The following HPSE2 variants were observed in gnomAD, a reference collection of about 807,000 sequenced individuals.
HPSE2 encodes the protein inactive heparanase-2.
Under a neutral mutation model 60.5 loss-of-function variants are expected in HPSE2, and 38 were observed. That is an observed-to-expected ratio of 0.63 (90% CI 0.48 to 0.82). HPSE2 has a LOEUF of 0.82. Ranked by LOEUF, HPSE2 falls within the 40% of genes least tolerant of loss-of-function variation. The pLI is 0.00. For synonymous variants in HPSE2, 295 were observed against 293.2 expected (o/e 1.01, Z -0.06); for missense variants, 713 against 740.4 (o/e 0.96, Z 0.43).
chr10:99,192,096 A>G (rs944447550), intron 2 of HPSE2, among the ~76,000 whole-genome samples: 9 of 152,320 alleles, frequency 5.9e-5, no homozygotes, highest in African/African-American at 2.2e-4. Flanking sequence ...AAACATACCT[A>G]TAAGACCAAG....
In HPSE2 at chr10:98,643,832, G is replaced by T. The variant is rs560051117; in HGVS notation, c.1005-1892C>A. ...CACACATTTGAGGACATGAATACTT[G>T]CTACTATATTATATGGTGACCAGGA... On this transcript the variant is annotated intron_variant, in intron 6 of 11. Coordinates refer to ENST00000370552, the MANE Select transcript of HPSE2 (RefSeq NM_021828.5). Among the ~76,000 whole-genome samples, 10 of 152,250 alleles carry T rather than the reference G, an allele frequency of 6.6e-5. No homozygotes were observed. The South Asian group carries it at 1.9e-3, about 28-fold the overall frequency.
intron 3 of HPSE2, among the ~76,000 whole-genome samples, chr10:99,132,225 G>GAAAGAAAGAA (rs1362965352): frequency 5.9e-5 from 1 of 17,036 alleles, no homozygotes; most frequent in African/African-American, 9.2e-5. Context: ...GAGAGAGAGA[G>GAAAGAAAGAA]AGAGAGAGAG....
chr10:99,087,835 A>C (rs1402261335), intron 3 of HPSE2, among the ~76,000 whole-genome samples: 1 of 152,144 alleles, frequency 6.6e-6, no homozygotes, highest in East Asian at 1.9e-4. Flanking sequence ...GGCAATACAG[A>C]AGAGTACTTT....
At chr10:98,539,162 C>G (rs1943381071) in intron 9 of HPSE2, among the ~76,000 whole-genome samples, 2 of 152,124 alleles carry the variant, frequency 1.3e-5, no homozygotes, top group South Asian at 4.1e-4. Flanking sequence ...ACCATTTTAT[C>G]AACAAATCAG....
intron 3 of HPSE2, among the ~76,000 whole-genome samples, chr10:99,018,915 C>T (rs1234165686): frequency 1.3e-5 from 2 of 152,150 alleles, no homozygotes; most frequent in Non-Finnish European, 2.9e-5. Context: ...TTGCCTAAAG[C>T]TTTGGGAATT....
intron 3 of HPSE2, among the ~76,000 whole-genome samples, chr10:98,794,700 C>T (rs755493258): frequency 3.3e-5 from 5 of 151,984 alleles, no homozygotes; most frequent in East Asian, 1.9e-4. Flanking sequence ...AGGTGACACA[C>T]GTTATAAAAA....
intron 3 of HPSE2, among the ~76,000 whole-genome samples, chr10:98,898,354 A>C (rs764102232): frequency 6.6e-6 from 1 of 152,194 alleles, no homozygotes; most frequent in Non-Finnish European, 1.5e-5. Flanking sequence ...GTGAATGTAT[A>C]AACAAATATG....
chr10:98,940,326 A>C (rs1276114468), intron 3 of HPSE2, among the ~76,000 whole-genome samples: 2 of 144,014 alleles, frequency 1.4e-5, no homozygotes, highest in Non-Finnish European at 3.0e-5. Context: ...CAAAATTGAC[A>C]GACTGCTAGC....
chr10:98,859,244 T>C (rs1029329592), intron 3 of HPSE2, among the ~76,000 whole-genome samples: 1 of 152,246 alleles, frequency 6.6e-6, no homozygotes, highest in Non-Finnish European at 1.5e-5. Flanking sequence ...TTTGACCATA[T>C]GACTCACAAA....
chr10:98,607,985 A>G (rs772024588), intron 9 of HPSE2, among the ~76,000 whole-genome samples: 4 of 152,232 alleles, frequency 2.6e-5, no homozygotes, highest in Non-Finnish European at 5.9e-5. Context: ...ACATTTATTG[A>G]GTATTTACTA....
intron 3 of HPSE2, among the ~76,000 whole-genome samples, chr10:98,805,362 G>C (rs181009312): frequency 1.3e-5 from 2 of 152,246 alleles, no homozygotes; most frequent in Admixed American, 1.3e-4. Context: ...ATTTAAAATA[G>C]CTAAAAGAGT....
chr10:99,100,639 T>G (rs562707870), intron 3 of HPSE2, among the ~76,000 whole-genome samples: 5 of 152,148 alleles, frequency 3.3e-5, no homozygotes, highest in Admixed American at 1.3e-4. Context: ...GAAATACAGA[T>G]AACGCCACAA....
intron 5 of HPSE2, among the ~76,000 whole-genome samples, chr10:98,702,682 A>G (rs774631759): frequency 1.5e-4 from 23 of 152,156 alleles, no homozygotes; most frequent in Non-Finnish European, 3.1e-4. Flanking sequence ...CTCCTGAATG[A>G]CTCCTGAGTA....
intron 3 of HPSE2, among the ~76,000 whole-genome samples, chr10:99,122,223 C>T (rs535222088): frequency 6.6e-6 from 1 of 152,032 alleles, no homozygotes; most frequent in Admixed American, 6.5e-5. Flanking sequence ...ATTTTTACCT[C>T]AAATGTACTG....
chr10:98,529,039 A>G (rs1482016886), intron 9 of HPSE2, among the ~76,000 whole-genome samples: 1 of 152,232 alleles, frequency 6.6e-6, no homozygotes, highest in Non-Finnish European at 1.5e-5. Context: ...CATTCGGGGC[A>G]GGGTCACCCT....
At chr10:99,060,116 C>T (rs933622832) in intron 3 of HPSE2, among the ~76,000 whole-genome samples, 4 of 151,674 alleles carry the variant, frequency 2.6e-5, no homozygotes, top group Non-Finnish European at 4.4e-5. Context: ...AGAGGACAAT[C>T]ATTTAAAATA....
chr10:99,195,025 C>T (rs1332321799), intron 2 of HPSE2, among the ~76,000 whole-genome samples: 1 of 152,002 alleles, frequency 6.6e-6, no homozygotes, highest in Admixed American at 6.6e-5. Flanking sequence ...TTAAAAAGAT[C>T]ACTCACTCGG....
upstream of HPSE2, chr10:99,235,891 T>C (rs575286846): frequency 1.1e-4 from 133 of 1,168,572 alleles, 2 homozygotes; most frequent in South Asian, 1.2e-3. Context: ...TCCGCCTTTT[T>C]CCCCCCTTTT....
intron 3 of HPSE2, among the ~76,000 whole-genome samples, chr10:98,750,231 G>A (rs1589761515): frequency 6.6e-6 from 1 of 152,262 alleles, no homozygotes; most frequent in East Asian, 1.9e-4. Context: ...AGACTCATGT[G>A]AGACTGATGA....
Sources: gnomAD v4.1 joint callset for allele counts (sites outside exome capture counted in the v4.1 genomes callset) on GRCh38, gnomAD v4.1.1 for gene constraint, MANE v1.5 for transcripts, NCBI Gene and HGNC (gene_info 2026-07-23, HGNC 2026-07-21) for gene names.